GCC2: variants seen among roughly 807,000 people sequenced by gnomAD.
GCC2 encodes GRIP and coiled-coil domain containing 2, also known as GRIP and coiled-coil domain-containing protein 2.
In GCC2, 120 loss-of-function variants were observed where a neutral mutation model predicts 210.6. The ratio of observed to expected loss-of-function variants is 0.57; its 90% CI spans 0.49 to 0.66. The LOEUF (loss-of-function observed/expected upper bound fraction) is 0.66. GCC2 is among the 30% of genes least tolerant of loss of function. The pLI is 0.00. For synonymous variants in GCC2, 703 were observed against 652.7 expected (o/e 1.08, Z -1.17); for missense variants, 1,868 against 1,871.9 (o/e 1.00, Z 0.04).
At chr2:108,461,850 T>C (rs1680601588) in intron 4 of GCC2, among the ~76,000 whole-genome samples, 1 of 146,030 alleles carries the variant, frequency 6.8e-6, no homozygotes, top group African/African-American at 2.5e-5. Flanking sequence ...TTTTTTTTTT[T>C]TGAGACAGAG....
rs183416064 is a variant in GCC2 at position 108,454,787 on chromosome 2, A to G, written c.216+2321A>G. On this transcript the variant is annotated intron_variant, in intron 4 of 22. Coordinates refer to ENST00000309863, the MANE Select transcript of GCC2 (RefSeq NM_181453.4). ...ACAAACAGGATTGATGTAGAAATGT[A>G]GGATTGATAAGGTAATATATCTACT... 6.1e-3 allele frequency among the ~76,000 whole-genome samples: 927 copies of G among 152,332 alleles called. 8 individuals carry two copies. Among genetic ancestry groups the G allele is most frequent in the South Asian group, 0.015 (70 of 4,824 alleles).
rs549761223 is a variant in GCC2, at chr2:108,504,920, T to C, written c.4985-2640T>C. On this transcript the variant is annotated intron_variant, in intron 22 of 22. Coordinates refer to ENST00000309863, the MANE Select transcript of GCC2 (RefSeq NM_181453.4). ...ATAGGAAAATAGGCCAAGCCTGTTA[T>C]AGGCTTTTTGATCATCTCCAGACTG... Among the ~76,000 whole-genome samples, 42 of 152,294 alleles carry C rather than the reference T, an allele frequency of 2.8e-4. No individual in the cohort carries two copies. The South Asian group carries it at 6.8e-3, about 25-fold the overall frequency.
At position 108,449,695 on chromosome 2, in the gene GCC2, G is replaced by A. The variant is rs1236763997; in HGVS notation, c.63+6G>A. On this transcript the variant is annotated splice_donor_region_variant and intron_variant, in intron 2 of 22. Transcript: ENST00000309863. Reference sequence around the variant, plus strand: ...CTGGGACCGGGAAATCTAAGGTGAAGAGAATACTTGAATAGCGGGCTTCCT... The same window carrying A: ...CTGGGACCGGGAAATCTAAGGTGAAAAGAATACTTGAATAGCGGGCTTCCT... 1.2e-6 allele frequency: 2 copies of A among 1,610,494 alleles called. No homozygotes were observed. The highest frequency in any genetic ancestry group is 1.7e-6 in the Non-Finnish European group (2 of 1,176,786).
chr2:108,463,064 A>G (rs756193318), intron 4 of GCC2, among the ~76,000 whole-genome samples: 3 of 151,902 alleles, frequency 2.0e-5, no homozygotes, highest in African/African-American at 4.8e-5. Context: ...TCTGATATCT[A>G]TTCTCTGGTA....
At chr2:108,450,210 T>C (rs1679855576) in intron 2 of GCC2, among the ~76,000 whole-genome samples, 1 of 152,224 alleles carries the variant, frequency 6.6e-6, no homozygotes, top group Non-Finnish European at 1.5e-5. Context: ...ATGAGATAGG[T>C]ACTGTTGTTA....
At position 108,481,704 on chromosome 2, in the gene GCC2, T is replaced by C. The variant is rs752852118; in HGVS notation, c.3068T>C (p.Leu1023Ser). Residue 1023 changes from leucine to serine, a missense_variant, in exon 10 of 23, where the codon TTA becomes TCA. This residue lies in a region of GCC2 where 1,847 missense variants were observed against 1,765.2 expected (regional missense o/e 1.05). Transcript: ENST00000309863. ...ATCCTTCTTTTATTGAAGAATCTTT[T>C]ATTAGAATATGAAAAGCAGTCAGAG... ...IQGAESYKNLLLEYEKQSEQL... is the reference protein window; with the variant it reads ...IQGAESYKNLSLEYEKQSEQL... 1.9e-6 allele frequency: 3 copies of C among 1,583,470 alleles called. No homozygotes were observed. The East Asian group carries it at 6.7e-5, about 36-fold the overall frequency.
At chr2:108,468,067 C>CTT (rs55803150) in intron 4 of GCC2, among the ~76,000 whole-genome samples, 5 of 144,734 alleles carry the variant, frequency 3.5e-5, no homozygotes, top group African/African-American at 1.3e-4. Flanking sequence ...TTTTCTTTTT[C>CTT]TTTTTTTTTT....
At chr2:108,500,412 T>C (rs1814418) in intron 22 of GCC2, among the ~76,000 whole-genome samples, 58,278 of 151,972 alleles carry the variant, frequency 0.38, 12,676 homozygotes, top group East Asian at 0.89. Flanking sequence ...ACTCAGGAGA[T>C]TGAGGCAGGA....
In GCC2 at chr2:108,449,270, C is replaced by T. The variant is rs1679762101; in HGVS notation, c.-5C>T. The T allele has an allele frequency of 6.5e-7, 1 of 1,549,314 alleles. No individual in the cohort carries two copies. Among genetic ancestry groups the T allele is most frequent in the South Asian group, 1.2e-5 (1 of 83,960 alleles). On this transcript the variant is annotated 5_prime_UTR_variant, in exon 1 of 23. Transcript: ENST00000309863. ...TGGTTGCGGGCCGGCGGCGGGCTGG[C>T]GGAGATGGAGGTAACTCAGGTCGGG...
At chr2:108,495,992 G>T (rs1682631641) in intron 20 of GCC2, 1 of 153,024 alleles carries the variant, frequency 6.5e-6, no homozygotes, top group South Asian at 2.1e-4. Flanking sequence ...ACAACACTCA[G>T]GATTAATACT....
At position 108,457,248 on chromosome 2, in the gene GCC2, G is replaced by A. The variant is rs142975357; in HGVS notation, c.216+4782G>A. Reference sequence around the variant, plus strand: ...TGGCACCGTTTGTTAAGAGGGTGTCGTTTGCCCAGTGTGTGTTCTTAATGG... The same window carrying A: ...TGGCACCGTTTGTTAAGAGGGTGTCATTTGCCCAGTGTGTGTTCTTAATGG... On this transcript the variant is annotated intron_variant, in intron 4 of 22. Transcript: ENST00000309863. 4.9e-3 allele frequency among the ~76,000 whole-genome samples: 741 copies of A among 152,224 alleles called. 8 individuals are homozygous for A. Among genetic ancestry groups the A allele is most frequent in the Middle Eastern group, 0.02 (6 of 294 alleles).
Position 108,470,625 on chromosome 2 carries a change from A to G in GCC2, c.1296A>G (p.Gln432=), listed in dbSNP as rs749267870. The part of the protein sequence containing the change: ...HNREVQSLKE[Q]HQKEISELNE... Reference sequence around the variant, plus strand: ...GAGAAGTACAGAGTCTTAAGGAACAACATCAAAAAGAAATATCAGAACTAA... The same window carrying G: ...GAGAAGTACAGAGTCTTAAGGAACAGCATCAAAAAGAAATATCAGAACTAA... The change falls in exon 6 of 23, where the codon CAA becomes CAG. Residue 432 remains glutamine, a synonymous_variant. Transcript: ENST00000309863. 7 of 1,612,430 alleles carry G rather than the reference A, an allele frequency of 4.3e-6. No homozygotes were observed. The East Asian group carries it at 6.7e-5, about 15-fold the overall frequency.
intron 2 of GCC2, 76 bp downstream of exon 2, chr2:108,449,765 G>A (rs1308705833): frequency 4.5e-6 from 5 of 1,107,420 alleles, no homozygotes; most frequent in East Asian, 4.8e-5. Context: ...GCATGGGGAA[G>A]GGGGGGGCGC....
chr2:108,468,067 CTTT>C (rs55803150), intron 4 of GCC2, among the ~76,000 whole-genome samples: 2 of 144,638 alleles, frequency 1.4e-5, no homozygotes. Context: ...TTTTCTTTTT[CTTT>C]TTTTTTTTTG....
chr2:108,461,999 A>ATTT (rs527454034), intron 4 of GCC2, among the ~76,000 whole-genome samples: 5 of 133,820 alleles, frequency 3.7e-5, no homozygotes, highest in African/African-American at 1.4e-4. Context: ...CCCCCAGCTA[A>ATTT]TTTTTTTTTT....
At chr2:108,451,259 AT>A in intron 3 of GCC2, 147 bp downstream of exon 3, 2 of 519,788 alleles carry the variant, frequency 3.8e-6, no homozygotes, top group East Asian at 6.4e-5. Context: ...GTTATTTAAC[AT>A]TCTAAAAATT....
chr2:108,490,282 AAAAC>A (rs1308261604), intron 18 of GCC2: 3 of 295,056 alleles, frequency 1.0e-5, no homozygotes, highest in African/African-American at 2.1e-5. Flanking sequence ...TTTCTCTAAA[AAAAC>A]AAACAAAAAC....
intron 2 of GCC2, chr2:108,449,926 T>C (rs1338007707): frequency 1.9e-6 from 1 of 526,100 alleles, no homozygotes; most frequent in East Asian, 3.2e-5. Flanking sequence ...GAGATCCTGC[T>C]ATTTTTCGAA....
chr2:108,458,619 A>G (rs1384753007), intron 4 of GCC2, among the ~76,000 whole-genome samples: 5 of 151,432 alleles, frequency 3.3e-5, no homozygotes, highest in Non-Finnish European at 5.9e-5. Flanking sequence ...TAATTTGTTC[A>G]GGTTTTCTAT....
Sources: allele counts gnomAD v4.1 joint callset (sites outside exome capture counted in the v4.1 genomes callset), GRCh38; gene constraint gnomAD v4.1.1; regional missense constraint gnomAD v4.1.1; transcripts MANE v1.5; gene names NCBI Gene and HGNC (gene_info 2026-07-23, HGNC 2026-07-21).